Variants in SEPTIN4 observed in about 807,000 individuals in gnomAD.
SEPTIN4 encodes septin-4.
Under a neutral mutation model 107.1 loss-of-function variants are expected in SEPTIN4, and 52 were observed. The ratio of observed to expected loss-of-function variants is 0.49; its 90% CI spans 0.39 to 0.61. The LOEUF (loss-of-function observed/expected upper bound fraction) is 0.61, where lower values mean the gene tolerates loss of function less well. SEPTIN4 is among the 20% of genes least tolerant of loss of function. The pLI is 0.00. For missense variants in SEPTIN4, 1,048 were observed against 1,243.5 expected (o/e 0.84, Z 2.36); for synonymous variants, 417 against 467.0 (o/e 0.89, Z 1.38).
chr17:58,538,613 G>C lies in SEPTIN4; in HGVS notation c.1614+2053C>G, dbSNP rs1238915696. On this transcript the variant is annotated intron_variant, in intron 3 of 13. Coordinates refer to ENST00000672673, the MANE Select transcript of SEPTIN4 (RefSeq NM_001368771.2). This position sits in a 1 kb window ranked among gnomAD's most constrained non-coding sequence, Gnocchi z 4.7. ...AGGGCACCCTCAGGACCTTCCTGTTGAGCTTTTGCTAGTTCTGATCCCCAA... is the reference window on the plus strand; with the variant it reads ...AGGGCACCCTCAGGACCTTCCTGTTCAGCTTTTGCTAGTTCTGATCCCCAA... 6.6e-6 allele frequency among the ~76,000 whole-genome samples: 1 copy of C among 152,036 alleles called. No individual in the cohort carries two copies. Among genetic ancestry groups the C allele is most frequent in the Non-Finnish European group, 1.5e-5 (1 of 68,000 alleles).
rs1263215498 is a variant in SEPTIN4, at chr17:58,542,612, G to A, written c.1561+14C>T. The A allele has an allele frequency of 1.6e-5, 25 of 1,597,608 alleles. No individual in the cohort carries two copies. The highest frequency in any genetic ancestry group is 2.1e-5 in the Non-Finnish European group (25 of 1,172,684). ...AATTGGGGCTGCACCTGGGCAGTCT[G>A]CTTCTTCACATACCCAGGAAGAAAG... On this transcript the variant is annotated intron_variant, in intron 1 of 13. Transcript: ENST00000672673.
At chr17:58,541,845 A>G in intron 2 of SEPTIN4, 77 bp downstream of exon 2, 1 of 1,614,170 alleles carries the variant, frequency 6.2e-7, no homozygotes, top group Non-Finnish European at 8.5e-7. Flanking sequence ...CTCTGTAGAT[A>G]CATAGATGCC....
intron 12 of SEPTIN4, 31 bp downstream of exon 12, chr17:58,520,967 C>T (rs967305823): frequency 6.2e-7 from 1 of 1,613,098 alleles, no homozygotes; most frequent in Non-Finnish European, 8.5e-7. Flanking sequence ...GGATCTCCCC[C>T]TGCCAGCTTT....
chr17:58,530,582 A>G (rs1264951862), intron 3 of SEPTIN4: 1 of 152,290 alleles, frequency 6.6e-6, no homozygotes, highest in African/African-American at 2.4e-5. Context: ...TAATTAGAGA[A>G]GAACAGTGTG....
chr17:58,542,902 G>A lies in SEPTIN4; in HGVS notation c.1285C>T (p.Pro429Ser), dbSNP rs1323740968. ...GTTTCAACTTCAGGATTCAGCAAGGGCCACCATGAGGAGTCAGGTCCGTAC... is the reference window on the plus strand; with the variant it reads ...GTTTCAACTTCAGGATTCAGCAAGGACCACCATGAGGAGTCAGGTCCGTAC... ...PRYGPDSSWW[P>S]LLNPEVETPQ... The change falls in exon 1 of 14, where the codon CCC (proline) becomes TCC (serine). Residue 429 changes from proline (P) to serine (S), a missense_variant. Around this residue, in one of 2 missense-constraint regions of SEPTIN4, gnomAD observed 787 missense variants for 871.8 expected, o/e 0.90. Coordinates refer to ENST00000672673, the MANE Select transcript of SEPTIN4 (RefSeq NM_001368771.2). 6.2e-7 allele frequency: 1 copy of A among 1,614,218 alleles called. No individual in the cohort carries two copies.
Position 58,543,087 on chromosome 17 carries a change from G to A in SEPTIN4, c.1100C>T (p.Thr367Ile). ...EGSHKSSMFV[T>I]PEPIYKQQTQ... ...TTGCTGTTTATAGATGGGCTCTGGA[G>A]TAACAAACATGGATGACTTGTGGGA... Residue 367 changes from threonine (T) to isoleucine (I), a missense_variant, in exon 1 of 14, where the codon ACT (threonine) becomes ATT (isoleucine). Physicochemically the swap from Thr to Ile is moderately conservative, Grantham distance 89 (BLOSUM62 -1). This residue lies in a region of SEPTIN4 where 787 missense variants were observed against 871.8 expected (regional missense o/e 0.90). Transcript: ENST00000672673. 1 of 1,612,890 alleles carries A rather than the reference G, an allele frequency of 6.2e-7. No individual in the cohort carries two copies. Among genetic ancestry groups the A allele is most frequent in the Non-Finnish European group, 8.5e-7 (1 of 1,179,386 alleles).
chr17:58,527,497 G>C (rs2043050504), intron 3 of SEPTIN4: 2 of 266,440 alleles, frequency 7.5e-6, no homozygotes, highest in South Asian at 8.1e-5. Flanking sequence ...CCAGCAGGGG[G>C]TTCTGTACCT....
chr17:58,534,557 C>A (rs953315769), intron 3 of SEPTIN4, among the ~76,000 whole-genome samples: 2 of 152,228 alleles, frequency 1.3e-5, no homozygotes, highest in African/African-American at 4.8e-5. Flanking sequence ...GGTGGCCTGG[C>A]CAACTCTGCT....
intron 3 of SEPTIN4, among the ~76,000 whole-genome samples, chr17:58,533,989 C>T (rs1168217666): frequency 1.3e-5 from 2 of 152,170 alleles, no homozygotes; most frequent in African/African-American, 4.8e-5. Flanking sequence ...AGTGTGGACA[C>T]AGACACATTT....
rs1420819038 is a variant in SEPTIN4 at position 58,538,563 on chromosome 17, A to G, written c.1614+2103T>C. Among the ~76,000 whole-genome samples the G allele has an allele frequency of 6.6e-6, 1 of 152,128 alleles. No homozygotes were observed. The highest frequency in any genetic ancestry group is 1.5e-5 in the Non-Finnish European group (1 of 68,002). On this transcript the variant is annotated intron_variant, in intron 3 of 13. Coordinates refer to ENST00000672673, the MANE Select transcript of SEPTIN4 (RefSeq NM_001368771.2). The surrounding 1 kb of genome is among the most constrained non-coding windows in gnomAD (Gnocchi z 4.7). ...TCCAGGAAATCCCCAGGGCTATGTG[A>G]GAAGGCAGCCCCCAGTGACCCATTA...
At chr17:58,525,245 G>T in intron 6 of SEPTIN4, 44 bp from the exon 7 acceptor site, 2 of 1,606,790 alleles carry the variant, frequency 1.2e-6, no homozygotes, top group Non-Finnish European at 8.5e-7. Flanking sequence ...GCAGGGACCT[G>T]CCCAGTCAGG....
At chr17:58,527,780 A>G (rs2043087382) in intron 3 of SEPTIN4, 10 of 946,166 alleles carry the variant, frequency 1.1e-5, no homozygotes, top group Non-Finnish European at 1.0e-5. Flanking sequence ...ACAGCCCCCA[A>G]CTGTGAGGGA....
intron 2 of SEPTIN4, 194 bp from the exon 3 acceptor site, chr17:58,540,867 G>A (rs185469839): frequency 1.7e-4 from 72 of 426,172 alleles, no homozygotes; most frequent in African/African-American, 1.3e-3. Context: ...CTGTTGCCAA[G>A]CACCGTGCTA....
At position 58,526,277 on chromosome 17, in the gene SEPTIN4, T is replaced by C; in HGVS notation, c.1948A>G (p.Asn650Asp). 6.2e-7 allele frequency: 1 copy of C among 1,604,104 alleles called. No homozygotes were observed. Among genetic ancestry groups the C allele is most frequent in the Non-Finnish European group, 8.5e-7 (1 of 1,175,132 alleles). ...KEYVGFATLP[N>D]QVHRKSVKKG... ...TTCACGGACTTTCGGTGGACTTGGT[T>C]GGGGAGGGTTGCAAAGCCCACATAC... Residue 650 changes from asparagine (N) to aspartate (D), a missense_variant, in exon 5 of 14, where the codon AAC (asparagine) becomes GAC (aspartate). Around this residue, in one of 2 missense-constraint regions of SEPTIN4, gnomAD observed 787 missense variants for 871.8 expected, o/e 0.90. Transcript: ENST00000672673.
At chr17:58,520,577 C>A in intron 13 of SEPTIN4, 92 bp from the exon 14 acceptor site, 2 of 1,557,030 alleles carry the variant, frequency 1.3e-6, no homozygotes, top group East Asian at 2.2e-5. Flanking sequence ...TAAGCCAGAA[C>A]CTTGGTAGCC....
In SEPTIN4 at chr17:58,542,666, G is replaced by A; in HGVS notation, c.1521C>T (p.Thr507=). The A allele has an allele frequency of 1.2e-6, 2 of 1,613,976 alleles. No homozygotes were observed. Among genetic ancestry groups the A allele is most frequent in the Non-Finnish European group, 1.7e-6 (2 of 1,179,962 alleles). The change falls in exon 1 of 14, where the codon ACC becomes ACT. Residue 507 remains threonine (T), a synonymous_variant. Transcript: ENST00000672673. ...LSEVPQTPKH[T]CKQPIQRFTA... is the part of the protein sequence containing the mutation. ...TAAACCTTTGAATGGGTTGTTTGCA[G>A]GTGTGCTTGGGGGTCTGTGGCACTT... is the stretch of plus-strand genomic sequence containing the variant.
In SEPTIN4 at chr17:58,521,287, G is replaced by A. The variant is rs200367887; in HGVS notation, c.2635C>T (p.Arg879Trp). The change falls in exon 11 of 14, where the codon CGG (arginine) becomes TGG (tryptophan). Residue 879 changes from arginine to tryptophan, a missense_variant. Transcript: ENST00000672673. This position sits in a 1 kb window ranked among gnomAD's most constrained non-coding sequence, Gnocchi z 6.4. ...ATGCCCCAGGGGTAGAGTCGACCCC[G>A]AACTCGCCGCCCTCTGGCCTCTACT... ...TVVEARGRRV[R>W]GRLYPWGIVE... The A allele has an allele frequency of 2.6e-5, 42 of 1,614,054 alleles. No individual in the cohort carries two copies. Among genetic ancestry groups the A allele is most frequent in the Non-Finnish European group, 3.5e-5 (41 of 1,180,038 alleles).
chr17:58,525,658 A>C (rs202007815), intron 6 of SEPTIN4, 37 bp downstream of exon 6: 131 of 1,581,258 alleles, frequency 8.3e-5, no homozygotes, highest in South Asian at 3.7e-4. Flanking sequence ...TTAATTTCCC[A>C]AGGCAAGTCT....
chr17:58,542,909 T>G lies in SEPTIN4; in HGVS notation c.1278A>C (p.Ser426=). The G allele has an allele frequency of 1.9e-6, 3 of 1,614,202 alleles. No individual in the cohort carries two copies. The highest frequency in any genetic ancestry group is 2.5e-6 in the Non-Finnish European group (3 of 1,180,028). Residue 426 remains serine, a synonymous_variant, in exon 1 of 14, where the codon TCA becomes TCC. Coordinates refer to ENST00000672673, the MANE Select transcript of SEPTIN4 (RefSeq NM_001368771.2). ...CTTCAGGATTCAGCAAGGGCCACCATGAGGAGTCAGGTCCGTACCTAGGTA... is the reference window on the plus strand; with the variant it reads ...CTTCAGGATTCAGCAAGGGCCACCAGGAGGAGTCAGGTCCGTACCTAGGTA... The part of the protein sequence containing the change: ...RSLPRYGPDS[S]WWPLLNPEVE...
Sources: gnomAD v4.1 joint callset for allele counts (sites outside exome capture counted in the v4.1 genomes callset) on GRCh38, gnomAD v4.1.1 for gene constraint, gnomAD v4.1.1 regional missense constraint, Gnocchi (gnomAD v3.1) non-coding constraint, MANE v1.5 for transcripts, NCBI Gene and HGNC (gene_info 2026-07-23, HGNC 2026-07-21) for gene names.